Variants in SPTLC1 observed in about 807,000 individuals in gnomAD.
The protein encoded by SPTLC1 is serine palmitoyltransferase 1.
Under a neutral mutation model 68.9 loss-of-function variants are expected in SPTLC1, and 55 were observed. The ratio of observed to expected loss-of-function variants is 0.80; its 90% CI spans 0.64 to 1.00. The LOEUF (loss-of-function observed/expected upper bound fraction) is 1.00, where lower values mean the gene tolerates loss of function less well. Ranked by LOEUF, SPTLC1 falls within the 50% of genes least tolerant of loss-of-function variation. SPTLC1 has a pLI of 0.00. For missense variants in SPTLC1, 449 were observed against 573.1 expected (o/e 0.78, Z 2.21); for synonymous variants, 197 against 201.6 (o/e 0.98, Z 0.19).
At chr9:92,065,498 T>C (rs1834246673) in intron 6 of SPTLC1, among the ~76,000 whole-genome samples, 1 of 152,150 alleles carries the variant, frequency 6.6e-6, no homozygotes, top group African/African-American at 2.4e-5. Flanking sequence ...TGGAAGTGAA[T>C]TTAGCCTATG....
chr9:92,070,750 A>ACTT, intron 5 of SPTLC1, among the ~76,000 whole-genome samples: 1 of 152,304 alleles, frequency 6.6e-6, no homozygotes, highest in East Asian at 1.9e-4. Flanking sequence ...CTGATAAAAC[A>ACTT]CTTAGAACAC....
intron 12 of SPTLC1, among the ~76,000 whole-genome samples, chr9:92,040,364 C>T (rs10992208): frequency 0.17 from 26,336 of 151,788 alleles, 2,519 homozygotes; most frequent in Non-Finnish European, 0.21. Context: ...AAGCAAGACT[C>T]TGTCTCAAAA....
At chr9:92,035,029 A>G (rs1833097551) in intron 13 of SPTLC1, 146 bp from the exon 14 acceptor site, 6 of 756,848 alleles carry the variant, frequency 7.9e-6, no homozygotes, top group Non-Finnish European at 1.4e-5. Flanking sequence ...ATACTACACC[A>G]CCACCTTGGC....
chr9:92,040,498 C>A (rs556827344), intron 12 of SPTLC1, among the ~76,000 whole-genome samples: 345 of 152,252 alleles, frequency 2.3e-3, no homozygotes, highest in Non-Finnish European at 4.0e-3. Flanking sequence ...ATGGCTCACA[C>A]CTATAATCCC....
chr9:92,054,510 T>G (rs768098214), intron 8 of SPTLC1, among the ~76,000 whole-genome samples: 2 of 152,190 alleles, frequency 1.3e-5, no homozygotes, highest in Non-Finnish European at 2.9e-5. Context: ...ACTGTGGTGG[T>G]GGATGGCTGC....
intron 12 of SPTLC1, among the ~76,000 whole-genome samples, chr9:92,044,071 G>A (rs1264727541): frequency 6.6e-6 from 1 of 152,198 alleles, no homozygotes; most frequent in Non-Finnish European, 1.5e-5. Flanking sequence ...GAGGTGCCAT[G>A]GAGTCTTCCA....
At chr9:92,060,979 A>G (rs1253971126) in intron 6 of SPTLC1, among the ~76,000 whole-genome samples, 2 of 152,066 alleles carry the variant, frequency 1.3e-5, no homozygotes, top group Non-Finnish European at 2.9e-5. Flanking sequence ...ATAGACTAGA[A>G]AGAAATGAAC....
intron 5 of SPTLC1, among the ~76,000 whole-genome samples, chr9:92,072,830 C>T (rs748757481): frequency 6.6e-6 from 1 of 152,112 alleles, no homozygotes; most frequent in Non-Finnish European, 1.5e-5. Flanking sequence ...ACTATGATCT[C>T]TCCCTAGTCT....
At chr9:92,099,557 G>A (rs1835668854) in intron 3 of SPTLC1, among the ~76,000 whole-genome samples, 1 of 150,030 alleles carries the variant, frequency 6.7e-6, no homozygotes, top group Non-Finnish European at 1.5e-5. Flanking sequence ...TTGTTTCACT[G>A]CAACCTCCAC....
At chr9:92,071,121 G>A (rs1012812392) in intron 5 of SPTLC1, among the ~76,000 whole-genome samples, 6 of 151,494 alleles carry the variant, frequency 4.0e-5, no homozygotes, top group South Asian at 4.1e-4. Flanking sequence ...CAGGTGTGGC[G>A]GCTCACACCT....
At chr9:92,086,743 G>T (rs796620221) in intron 3 of SPTLC1, among the ~76,000 whole-genome samples, 1 of 152,128 alleles carries the variant, frequency 6.6e-6, no homozygotes, top group Non-Finnish European at 1.5e-5. Flanking sequence ...TTCTCAAGGA[G>T]TATCTTTGTG....
In SPTLC1 at chr9:92,083,255, T is replaced by C. The variant is rs567978675; in HGVS notation, c.261-2292A>G. On this transcript the variant is annotated intron_variant, in intron 3 of 14. Coordinates refer to ENST00000262554, the MANE Select transcript of SPTLC1 (RefSeq NM_006415.4). ...AGCTCTTTAGTTTAATTAGATCCCA[T>C]TTGTCAATTTTGGCTTTTGTTGCCA... 1.2e-4 allele frequency among the ~76,000 whole-genome samples: 18 copies of C among 152,354 alleles called. No individual in the cohort carries two copies. In the South Asian group the frequency reaches 3.7e-3, roughly 32 times the overall value.
intron 3 of SPTLC1, among the ~76,000 whole-genome samples, chr9:92,086,642 G>A (rs1447295996): frequency 6.6e-6 from 1 of 152,198 alleles, no homozygotes; most frequent in African/African-American, 2.4e-5. Flanking sequence ...CCCTTTGTGG[G>A]TAACCCAACC....
chr9:92,098,615 G>C (rs17749165), intron 3 of SPTLC1, among the ~76,000 whole-genome samples: 20,937 of 151,884 alleles, frequency 0.14, 1,795 homozygotes, highest in Admixed American at 0.19. Context: ...AGATATTGAG[G>C]AAGTGTCTAA....
At chr9:92,077,850 C>T (rs1834738866) in intron 5 of SPTLC1, among the ~76,000 whole-genome samples, 1 of 152,172 alleles carries the variant, frequency 6.6e-6, no homozygotes, top group African/African-American at 2.4e-5. Flanking sequence ...AATTCTTCCA[C>T]CCTGATGAAG....
intron 1 of SPTLC1, chr9:92,114,796 A>T (rs1183693251): frequency 6.3e-6 from 1 of 158,094 alleles, no homozygotes; most frequent in Admixed American, 5.9e-5. Context: ...TCTTTATAAG[A>T]CAGAAAACTG....
intron 7 of SPTLC1, among the ~76,000 whole-genome samples, chr9:92,058,656 A>G (rs1833976283): frequency 6.6e-6 from 1 of 152,214 alleles, no homozygotes; most frequent in Admixed American, 6.5e-5. Flanking sequence ...GAAGGAGACC[A>G]TGTTAGGGGC....
In SPTLC1 at chr9:92,115,338, C is replaced by T. The variant is rs1836413665; in HGVS notation, c.33G>A (p.Val11=). 6.2e-7 allele frequency: 1 copy of T among 1,612,610 alleles called. No homozygotes were observed. Among genetic ancestry groups the T allele is most frequent in the African/African-American group, 1.3e-5 (1 of 74,930 alleles). ...CCTCGTAAAGCGCCTGTACCATCTC[C>T]ACCAGAACCCACTGCTCCGTGGCGG... MATATEQWVL[V]EMVQALYEAP... Residue 11 remains valine (V), a synonymous_variant, in exon 1 of 15, where the codon GTG becomes GTA. Coordinates refer to ENST00000262554, the MANE Select transcript of SPTLC1 (RefSeq NM_006415.4).
At chr9:92,086,647 C>A (rs914606671) in intron 3 of SPTLC1, among the ~76,000 whole-genome samples, 9 of 152,272 alleles carry the variant, frequency 5.9e-5, no homozygotes, top group African/African-American at 2.2e-4. Flanking sequence ...TGTGGGTAAC[C>A]CAACCTTTCT....
Sources: allele counts gnomAD v4.1 joint callset (sites outside exome capture counted in the v4.1 genomes callset), GRCh38; gene constraint gnomAD v4.1.1; transcripts MANE v1.5; gene names NCBI Gene and HGNC (gene_info 2026-07-23, HGNC 2026-07-21).